The following CENPU variants were observed in gnomAD, a reference collection of about 807,000 sequenced individuals.
CENPU encodes the protein KSHV latent nuclear antigen interacting protein 1.
Under a neutral mutation model 56.7 loss-of-function variants are expected in CENPU, and 46 were observed. That is an observed-to-expected ratio of 0.81 (90% CI 0.64 to 1.04). The LOEUF (loss-of-function observed/expected upper bound fraction) is 1.04, where lower values mean the gene tolerates loss of function less well. Ranked by LOEUF, CENPU falls within the 50% of genes least tolerant of loss-of-function variation. The probability of loss-of-function intolerance (pLI) is 0.00; values close to 1 mark genes in which losing one functional copy is unlikely to be tolerated. For missense variants in CENPU, 510 were observed against 490.1 expected (o/e 1.04, Z -0.38); for synonymous variants, 166 against 163.0 (o/e 1.02, Z -0.14).
chr4:184,715,308 C>T (rs1045512305), intron 6 of CENPU, among the ~76,000 whole-genome samples: 2 of 152,112 alleles, frequency 1.3e-5, no homozygotes, highest in African/African-American at 4.8e-5. Context: ...AATTTTAGCA[C>T]CAATAAGACC....
At chr4:184,702,740 G>C (rs181799937) in intron 8 of CENPU, among the ~76,000 whole-genome samples, 136 of 152,164 alleles carry the variant, frequency 8.9e-4, no homozygotes, top group African/African-American at 3.1e-3. Context: ...TTCCCTCTAG[G>C]AGTCCCCAGT....
intron 3 of CENPU, among the ~76,000 whole-genome samples, chr4:184,726,826 C>T (rs771662345): frequency 2.6e-5 from 4 of 152,104 alleles, no homozygotes; most frequent in Non-Finnish European, 4.4e-5. Flanking sequence ...CAGTGGCTCA[C>T]GTCTGTAATC....
chr4:184,708,090 G>C (rs975635032), intron 8 of CENPU, among the ~76,000 whole-genome samples: 1 of 151,934 alleles, frequency 6.6e-6, no homozygotes, highest in Admixed American at 6.6e-5. Flanking sequence ...TGGGCGTGGT[G>C]GCGCATGCTT....
intron 8 of CENPU, 36 bp from the exon 9 acceptor site, chr4:184,702,477 A>C: frequency 6.7e-7 from 1 of 1,496,448 alleles, no homozygotes; most frequent in Non-Finnish European, 9.2e-7. Flanking sequence ...AAGTACCATG[A>C]TGGATTTTGA....
intron 6 of CENPU, among the ~76,000 whole-genome samples, chr4:184,715,606 C>A (rs571034689): frequency 1.1e-4 from 17 of 152,178 alleles, no homozygotes; most frequent in Non-Finnish European, 1.9e-4. Flanking sequence ...AGCCACCGTG[C>A]CCGCCTAAGA....
chr4:184,723,012 C>T (rs1211209970), intron 4 of CENPU, among the ~76,000 whole-genome samples: 2 of 152,164 alleles, frequency 1.3e-5, no homozygotes, highest in African/African-American at 2.4e-5. Context: ...CAGAATTTAA[C>T]TTTTATGACT....
At chr4:184,724,419 G>A (rs1379979887) in intron 4 of CENPU, among the ~76,000 whole-genome samples, 1 of 152,146 alleles carries the variant, frequency 6.6e-6, no homozygotes, top group Admixed American at 6.5e-5. Context: ...TACAGTTATC[G>A]AAGAGTTCTG....
intron 7 of CENPU, 181 bp from the exon 8 acceptor site, chr4:184,710,361 A>C (rs78456562): frequency 0.019 from 8,051 of 414,202 alleles, 536 homozygotes; most frequent in African/African-American, 0.15. Flanking sequence ...AAACCCCTAC[A>C]TACACTTTCA....
In CENPU at chr4:184,694,157, G is replaced by A. The variant is rs1759868132; in HGVS notation, c.*1131C>T. 2.2e-6 allele frequency: 2 copies of A among 903,422 alleles called. No individual in the cohort carries two copies. Among genetic ancestry groups the A allele is most frequent in the African/African-American group, 1.8e-5 (1 of 55,896 alleles). The allele number at this position is 903,422 out of a possible 1,614,324, so 56.0% of individuals were successfully genotyped here. A position where few individuals can be genotyped will look rare whatever the true frequency, so the allele number is the denominator to read the frequency against. On this transcript the variant is annotated 3_prime_UTR_variant, in exon 13 of 13. Transcript: ENST00000281453. ...CTAAATACTTTAAAATTTAAAGCAT[G>A]GGTACTAAGTCCATTGTCAAGATAG...
At chr4:184,718,333 C>A (rs1279898124) in intron 4 of CENPU, among the ~76,000 whole-genome samples, 1 of 152,262 alleles carries the variant, frequency 6.6e-6, no homozygotes, top group Non-Finnish European at 1.5e-5. Context: ...GAGGCCACCT[C>A]TGCCCAATCC....
intron 9 of CENPU, 103 bp downstream of exon 9, chr4:184,702,260 T>C: frequency 7.8e-7 from 1 of 1,282,252 alleles, no homozygotes; most frequent in Non-Finnish European, 1.1e-6. Context: ...ATGAGTTTAT[T>C]ACCATACTGC....
At chr4:184,729,412 C>T (rs1761563066) in intron 2 of CENPU, among the ~76,000 whole-genome samples, 1 of 152,202 alleles carries the variant, frequency 6.6e-6, no homozygotes, top group African/African-American at 2.4e-5. Flanking sequence ...TGACTACTAA[C>T]TCAGCCACTG....
Position 184,710,164 on chromosome 4 carries a change from C to T in CENPU, c.705G>A (p.Val235=). The T allele has an allele frequency of 6.2e-7, 1 of 1,603,180 alleles. No homozygotes were observed. Among genetic ancestry groups the T allele is most frequent in the Non-Finnish European group, 8.5e-7 (1 of 1,172,602 alleles). ...TCATTCCTTCTGGACACCAAATGTG[C>T]ACAATGTCAGAAGTATCTAAAATAT... ...KAIGSDTSDI[V]HIWCPEGMKT... The change falls in exon 8 of 13, where the codon GTG becomes GTA. Residue 235 remains valine (V), a synonymous_variant. Transcript: ENST00000281453.
intron 11 of CENPU, 120 bp from the exon 12 acceptor site, chr4:184,697,923 G>T: frequency 1.5e-6 from 1 of 657,230 alleles, no homozygotes; most frequent in Non-Finnish European, 2.5e-6. Context: ...GACTTGCTTT[G>T]GCTCTGAAAC....
At chr4:184,725,351 C>G (rs57301026) in intron 3 of CENPU, among the ~76,000 whole-genome samples, 27,110 of 152,144 alleles carry the variant, frequency 0.18, 2,716 homozygotes, top group African/African-American at 0.26. Context: ...TGCCGCCCAG[C>G]CTGGAGTGCA....
At chr4:184,719,563 C>G (rs7682677) in intron 4 of CENPU, among the ~76,000 whole-genome samples, 27,042 of 152,088 alleles carry the variant, frequency 0.18, 2,706 homozygotes, top group African/African-American at 0.26. Flanking sequence ...GTGAGCCTGA[C>G]GGGCAGTCTA....
chr4:184,717,932 G>A (rs1043843695), intron 4 of CENPU, among the ~76,000 whole-genome samples: 7 of 152,230 alleles, frequency 4.6e-5, no homozygotes, highest in Non-Finnish European at 1.0e-4. Context: ...GCCTGGTGGT[G>A]TAAAACAGCC....
rs550034443 is a variant in CENPU at position 184,731,883 on chromosome 4, C to G, written c.48-915G>C. 7.1e-3 allele frequency among the ~76,000 whole-genome samples: 1,048 copies of G among 146,748 alleles called. 3 individuals are homozygous for G. The highest frequency in any genetic ancestry group is 0.017 in the Middle Eastern group (5 of 294). On this transcript the variant is annotated intron_variant, in intron 1 of 12. Transcript: ENST00000281453. ...TCTGTATGCCCTTTACTCATGTGCT[C>G]TGTGTGTGTGTGTGTGTGTGTGTGT...
chr4:184,695,176 C>G lies in CENPU; in HGVS notation c.*112G>C. Reference sequence around the variant, plus strand: ...TAATTTGAATAACAAATTTTAGATTCTAAGTAGGCCATAACTTCTTTGCAA... The same window carrying G: ...TAATTTGAATAACAAATTTTAGATTGTAAGTAGGCCATAACTTCTTTGCAA... On this transcript the variant is annotated 3_prime_UTR_variant, in exon 13 of 13. Coordinates refer to ENST00000281453, the MANE Select transcript of CENPU (RefSeq NM_024629.4). 2.8e-6 allele frequency: 2 copies of G among 719,868 alleles called. No individual in the cohort carries two copies. Among genetic ancestry groups the G allele is most frequent in the Non-Finnish European group, 4.8e-6 (2 of 416,504 alleles). 44.6% of individuals were successfully genotyped at this position (719,868 alleles called of 1,614,324 possible).
Sources: allele counts gnomAD v4.1 joint callset (sites outside exome capture counted in the v4.1 genomes callset), GRCh38; gene constraint gnomAD v4.1.1; transcripts MANE v1.5; gene names NCBI Gene and HGNC (gene_info 2026-07-23, HGNC 2026-07-21).